Variants in ASH1L observed in about 807,000 individuals in gnomAD.
ASH1L encodes ASH1 like histone lysine methyltransferase.
Under a neutral mutation model 269.0 loss-of-function variants are expected in ASH1L, and 23 were observed. The ratio of observed to expected loss-of-function variants is 0.09; its 90% confidence interval spans 0.06 to 0.12. ASH1L has a LOEUF of 0.12. ASH1L is among the 10% of genes least tolerant of loss of function. The pLI is 1.00. For missense variants in ASH1L, 2,912 were observed against 3,567.8 expected, an observed-to-expected ratio of 0.82 and a Z score of 4.68; for synonymous variants, 1,187 against 1,253.5, an observed-to-expected ratio of 0.95 and a Z score of 1.12.
chr1:155,400,851 C>T (rs1658775288), intron 6 of ASH1L, among the ~76,000 whole-genome samples: 1 of 152,018 alleles, frequency 6.6e-6, no homozygotes, highest in South Asian at 2.1e-4. Context: ...CGGTCCAGAC[C>T]CAGACAAAAG....
rs372702759 is a variant in ASH1L, at chr1:155,407,025, C to T, written c.6008+8719G>A. On this transcript the variant is annotated intron_variant, in intron 6 of 27. Coordinates refer to ENST00000392403, the MANE Select transcript of ASH1L (RefSeq NM_018489.3). ...ACTTACAAAAAAAAGGGGAATTGAACCAGCCTGGCCAACATGGTGAAACCC... is the reference window on the plus strand; with the variant it reads ...ACTTACAAAAAAAAGGGGAATTGAATCAGCCTGGCCAACATGGTGAAACCC... Among the ~76,000 whole-genome samples the T allele has an allele frequency of 4.3e-4, 66 of 152,096 alleles. 1 individual carries two copies. In the South Asian group the frequency reaches 0.014, roughly 32 times the overall value.
intron 6 of ASH1L, among the ~76,000 whole-genome samples, chr1:155,409,732 T>G (rs1407550411): frequency 6.6e-6 from 1 of 152,116 alleles, no homozygotes; most frequent in Non-Finnish European, 1.5e-5. Flanking sequence ...TCCCAAAATG[T>G]TGAGATTACA....
intron 4 of ASH1L, among the ~76,000 whole-genome samples, chr1:155,453,279 C>T (rs533112018): frequency 4.7e-4 from 72 of 152,218 alleles, no homozygotes; most frequent in African/African-American, 1.5e-3. Context: ...CACTTGAACC[C>T]GGGAGGCAAA....
intron 5 of ASH1L, among the ~76,000 whole-genome samples, chr1:155,434,442 A>G (rs149906212): frequency 0.02 from 3,074 of 151,284 alleles, 101 homozygotes; most frequent in African/African-American, 0.071. Flanking sequence ...GTGAAGTTCA[A>G]TGATGTTCTT....
At chr1:155,482,474 TAA>T (rs772287791) in intron 2 of ASH1L, 25 bp from the exon 3 acceptor site, 36 of 1,582,060 alleles carry the variant, frequency 2.3e-5, no homozygotes, top group Admixed American at 1.4e-4. Flanking sequence ...AGAAAAAAGT[TAA>T]AGAGGGAGTA....
At chr1:155,473,198 A>G (rs1665239193) in intron 3 of ASH1L, among the ~76,000 whole-genome samples, 1 of 152,226 alleles carries the variant, frequency 6.6e-6, no homozygotes, top group South Asian at 2.1e-4. Flanking sequence ...AGAAAGCCAT[A>G]AGCAATGTAG....
At chr1:155,435,167 G>A (rs1329521541) in intron 5 of ASH1L, among the ~76,000 whole-genome samples, 1 of 152,016 alleles carries the variant, frequency 6.6e-6, no homozygotes, top group African/African-American at 2.4e-5. Context: ...AACAACAACA[G>A]CAACAACAAA....
intron 7 of ASH1L, among the ~76,000 whole-genome samples, chr1:155,390,951 GT>G (rs72482023): frequency 2.9e-4 from 38 of 132,860 alleles, no homozygotes; most frequent in Admixed American, 4.5e-4. Context: ...ACCTGCCTGT[GT>G]TTTTTTTTTT....
intron 2 of ASH1L, among the ~76,000 whole-genome samples, chr1:155,508,837 T>C (rs562607794): frequency 9.9e-5 from 15 of 151,970 alleles, no homozygotes; most frequent in Admixed American, 9.2e-4. Context: ...AAGAAAAGAA[T>C]AAAAAGGGCT....
intron 1 of ASH1L, among the ~76,000 whole-genome samples, chr1:155,560,326 T>C (rs1444089587): frequency 2.0e-5 from 3 of 152,234 alleles, no homozygotes; most frequent in African/African-American, 2.4e-5. Context: ...GAACCACTCA[T>C]CTAGCCTATC....
chr1:155,403,908 A>C (rs970191715), intron 6 of ASH1L, among the ~76,000 whole-genome samples: 3 of 150,952 alleles, frequency 2.0e-5, no homozygotes, highest in Non-Finnish European at 4.4e-5. Context: ...AAAAAAAAAT[A>C]GCCAGGTATG....
intron 1 of ASH1L, among the ~76,000 whole-genome samples, chr1:155,532,010 A>G (rs1414226810): frequency 6.6e-6 from 1 of 152,222 alleles, no homozygotes; most frequent in Non-Finnish European, 1.5e-5. Context: ...TCCAGGGGCA[A>G]GGATGCCATG....
chr1:155,554,016 C>T (rs965190569), intron 1 of ASH1L, among the ~76,000 whole-genome samples: 1 of 151,572 alleles, frequency 6.6e-6, no homozygotes, highest in Non-Finnish European at 1.5e-5. Flanking sequence ...AGGCTGGTCT[C>T]GAACTCCTGA....
Position 155,342,055 on chromosome 1 carries a change from G to C in ASH1L, c.8341C>G (p.Arg2781Gly), listed in dbSNP as rs766018455. 6.2e-7 allele frequency: 1 copy of C among 1,613,990 alleles called. No individual in the cohort carries two copies. The highest frequency in any genetic ancestry group is 8.5e-7 in the Non-Finnish European group (1 of 1,180,026). Residue 2781 changes from arginine to glycine, a missense_variant, in exon 25 of 28, where the codon CGG becomes GGG. Arg to Gly is a moderately radical substitution (Grantham distance 125, BLOSUM62 -2). Transcript: ENST00000392403. ...KEQDVYICDY[R>G]LDKSAHLFYK... ...AACAGGTGTGCTGACTTGTCAAGCC[G>C]ATAATCACAGATGTACACATCTTGC...
chr1:155,466,337 G>C (rs1664696976), intron 3 of ASH1L, among the ~76,000 whole-genome samples: 1 of 149,930 alleles, frequency 6.7e-6, no homozygotes, highest in African/African-American at 2.5e-5. Context: ...CTGGGCGACA[G>C]AGTGAGACCC....
chr1:155,368,215 T>A (rs959852411), intron 12 of ASH1L, among the ~76,000 whole-genome samples: 1 of 152,152 alleles, frequency 6.6e-6, no homozygotes, highest in East Asian at 1.9e-4. Context: ...TAGGCTGGTC[T>A]TGAACTCCTG....
chr1:155,356,811 T>C (rs1447499337), intron 15 of ASH1L, among the ~76,000 whole-genome samples: 1 of 151,688 alleles, frequency 6.6e-6, no homozygotes, highest in Non-Finnish European at 1.5e-5. Flanking sequence ...TAAGATGGTT[T>C]GGTGTGCTGG....
At chr1:155,562,866 AACCGCCGCCACGGCCGCC>A (rs1412928428), upstream of ASH1L, 4 of 232,906 alleles carry the variant, frequency 1.7e-5, no homozygotes, top group African/African-American at 7.2e-5. Context: ...CACGGCCACC[AACCGCCGCCACGGCCGCC>A]GCCGCCGCCG....
At chr1:155,493,379 G>A (rs1156885014) in intron 2 of ASH1L, among the ~76,000 whole-genome samples, 4 of 152,028 alleles carry the variant, frequency 2.6e-5, no homozygotes, top group Admixed American at 6.6e-5. Flanking sequence ...AAGCTTTTTC[G>A]TGTTTCTGGG....
Sources: allele counts gnomAD v4.1 joint callset (sites outside exome capture counted in the v4.1 genomes callset), GRCh38; gene constraint gnomAD v4.1.1; transcripts MANE v1.5; gene names NCBI Gene and HGNC (gene_info 2026-07-23, HGNC 2026-07-21).